FAM149A: variants seen among roughly 807,000 people sequenced by gnomAD.
FAM149A encodes family with sequence similarity 149 member A.
FAM149A carries 71 observed loss-of-function variants against 78.2 expected under a neutral mutation model. The ratio of observed to expected loss-of-function variants is 0.91; its 90% CI spans 0.75 to 1.11. The LOEUF (loss-of-function observed/expected upper bound fraction) is 1.11. Among genes scored for constraint, FAM149A ranks in the 50% least tolerant of loss-of-function variants. FAM149A has a pLI of 0.00. For missense variants in FAM149A, 1,036 were observed against 971.0 expected (o/e 1.07, Z -0.89); for synonymous variants, 446 against 410.5 (o/e 1.09, Z -1.04).
chr4:186,149,752 G>A (rs1192050143), intron 3 of FAM149A, 48 bp downstream of exon 3: 2 of 1,191,020 alleles, frequency 1.7e-6, no homozygotes, highest in South Asian at 2.9e-5. Flanking sequence ...AGTTTATAGT[G>A]AAGAGTTGCT....
chr4:186,117,690 T>C (rs2099314318), intron 1 of FAM149A: 1 of 976,976 alleles, frequency 1.0e-6, no homozygotes, highest in Non-Finnish European at 1.2e-6. Context: ...GATACTGGGC[T>C]CTCTTTAGTA....
In FAM149A at chr4:186,144,981, G is replaced by A. The variant is rs1019684610; in HGVS notation, c.567-4192G>A. On this transcript the variant is annotated intron_variant, in intron 1 of 13. Transcript: ENST00000389354. This position sits in a 1 kb window ranked among gnomAD's most constrained non-coding sequence, Gnocchi z 4.2. ...CGGGCGGGTGGGGAGCCCCAGCCCC[G>A]GGGCCGCGGGGGCGCGTGACCGGCT... The A allele has an allele frequency of 1.0e-4, 99 of 978,180 alleles. No individual in the cohort carries two copies. The Middle Eastern group carries it at 1.6e-3, about 16-fold the overall frequency. 60.6% of individuals were successfully genotyped at this position (978,180 alleles called of 1,614,324 possible).
At chr4:186,142,181 G>T (rs1696947171) in intron 1 of FAM149A, among the ~76,000 whole-genome samples, 2 of 152,210 alleles carry the variant, frequency 1.3e-5, no homozygotes, top group African/African-American at 4.8e-5. Flanking sequence ...GAGCCTGCTG[G>T]AACCCGCAGT....
At chr4:186,157,330 T>A (rs920342152) in intron 7 of FAM149A, among the ~76,000 whole-genome samples, 1 of 152,218 alleles carries the variant, frequency 6.6e-6, no homozygotes, top group African/African-American at 2.4e-5. Context: ...GGCTTTATCA[T>A]GTGCTGAGAA....
chr4:186,130,277 C>CTCTCTCTCTT (rs1489041822), intron 1 of FAM149A: 37 of 35,642 alleles, frequency 1.0e-3, no homozygotes, highest in South Asian at 2.1e-3. Context: ...CTCTCTCTCT[C>CTCTCTCTCTT]TCTCTCTCTC....
chr4:186,158,181 C>A, intron 8 of FAM149A: 1 of 1,280,704 alleles, frequency 7.8e-7, no homozygotes, highest in East Asian at 5.1e-5. Context: ...GCCACCAGAG[C>A]CACTCCAGCT....
At chr4:186,152,597 T>G (rs557232231) in intron 4 of FAM149A, among the ~76,000 whole-genome samples, 1 of 132,616 alleles carries the variant, frequency 7.5e-6, no homozygotes, top group African/African-American at 2.9e-5. Flanking sequence ...CAGGCTGGAG[T>G]GCAGTGGCGC....
At chr4:186,107,265 C>T (rs1372775982) in intron 1 of FAM149A, among the ~76,000 whole-genome samples, 1 of 152,168 alleles carries the variant, frequency 6.6e-6, no homozygotes, top group East Asian at 1.9e-4. Context: ...GTGTTAGTTT[C>T]AATTCTTGAA....
In FAM149A at chr4:186,173,281, G is replaced by A. The variant is rs1300185622; in HGVS notation, c.*1294G>A. ...ACATTAATGTTGTCCTTTATCACAGGGTGACAAAAATGACCCAGAGCCTTG... is the reference window on the plus strand; with the variant it reads ...ACATTAATGTTGTCCTTTATCACAGAGTGACAAAAATGACCCAGAGCCTTG... On this transcript the variant is annotated 3_prime_UTR_variant, in exon 14 of 14. Transcript: ENST00000389354. 1.8e-5 allele frequency among the ~76,000 whole-genome samples: 2 copies of A among 112,128 alleles called. 1 individual carries two copies. Among genetic ancestry groups the A allele is most frequent in the Non-Finnish European group, 4.5e-5 (2 of 44,368 alleles). The allele number at this position is 112,128 out of a possible 152,430, so 73.6% of individuals were successfully genotyped here. A position where few individuals can be genotyped will look rare whatever the true frequency, so the allele number is the denominator to read the frequency against.
chr4:186,164,406 C>T lies in FAM149A; in HGVS notation c.1889+773C>T. 2.1e-6 allele frequency: 2 copies of T among 973,082 alleles called. No homozygotes were observed. Among genetic ancestry groups the T allele is most frequent in the South Asian group, 4.7e-5 (1 of 21,060 alleles). The allele number at this position is 973,082 out of a possible 1,614,324, so 60.3% of individuals were successfully genotyped here. ...AGGCTTTAGAGACCACCCACTGGACCCCCGGCCTGCAGGGGAGCTGTTATC... is the reference window on the plus strand; with the variant it reads ...AGGCTTTAGAGACCACCCACTGGACTCCCGGCCTGCAGGGGAGCTGTTATC... On this transcript the variant is annotated intron_variant, in intron 10 of 13. Coordinates refer to ENST00000389354, the MANE Select transcript of FAM149A (RefSeq NM_001367768.3). The surrounding 1 kb of genome is among the most constrained non-coding windows in gnomAD (Gnocchi z 4.0).
chr4:186,125,356 T>A (rs2099317858), intron 1 of FAM149A: 1 of 984,058 alleles, frequency 1.0e-6, no homozygotes, highest in Non-Finnish European at 1.2e-6. Context: ...TACACCCACA[T>A]CCCCTGCGGA....
intron 13 of FAM149A, chr4:186,169,067 G>A (rs553174002): frequency 1.3e-4 from 44 of 344,202 alleles, no homozygotes; most frequent in African/African-American, 9.3e-4. Context: ...AGCACGCCGA[G>A]TGGAGGTATC....
At chr4:186,158,298 G>A (rs1734234631) in intron 8 of FAM149A, 34 of 1,218,558 alleles carry the variant, frequency 2.8e-5, no homozygotes, top group Non-Finnish European at 3.5e-5. Flanking sequence ...GAGGCGTCTT[G>A]GCTAGCCCAC....
intron 1 of FAM149A, among the ~76,000 whole-genome samples, chr4:186,106,314 A>G (rs2099308740): frequency 6.6e-6 from 1 of 152,070 alleles, no homozygotes; most frequent in Non-Finnish European, 1.5e-5. Flanking sequence ...ACACACACAC[A>G]CCCACACAAC....
intron 1 of FAM149A, among the ~76,000 whole-genome samples, chr4:186,117,023 C>T (rs1202501304): frequency 6.6e-6 from 1 of 152,160 alleles, no homozygotes; most frequent in Non-Finnish European, 1.5e-5. Context: ...TTCACATTGG[C>T]TACCTAACCT....
chr4:186,152,541 T>C (rs1287381185), intron 4 of FAM149A, among the ~76,000 whole-genome samples: 2 of 65,140 alleles, frequency 3.1e-5, no homozygotes, highest in African/African-American at 2.3e-4. Flanking sequence ...TCTTTTTGCT[T>C]TTTTTTTTTT....
chr4:186,134,768 C>T (rs2099322047), intron 1 of FAM149A, among the ~76,000 whole-genome samples: 1 of 151,058 alleles, frequency 6.6e-6, no homozygotes, highest in Admixed American at 6.6e-5. Context: ...GATTCTGGTC[C>T]CTGGCCTTCA....
chr4:186,137,971 G>A (rs1343030626), intron 1 of FAM149A, among the ~76,000 whole-genome samples: 4 of 151,964 alleles, frequency 2.6e-5, no homozygotes, highest in Non-Finnish European at 4.4e-5. Flanking sequence ...ACATGATATT[G>A]TTTTATTAGT....
intron 1 of FAM149A, among the ~76,000 whole-genome samples, chr4:186,108,742 T>G (rs1045819403): frequency 5.3e-5 from 8 of 152,174 alleles, no homozygotes; most frequent in African/African-American, 1.9e-4. Context: ...ATGTATATAT[T>G]ATGCCTCAGT....
Sources: allele counts gnomAD v4.1 joint callset (sites outside exome capture counted in the v4.1 genomes callset), GRCh38; gene constraint gnomAD v4.1.1; non-coding constraint Gnocchi (gnomAD v3.1); transcripts MANE v1.5; gene names NCBI Gene and HGNC (gene_info 2026-07-23, HGNC 2026-07-21).